Variants in PGM5 observed in about 807,000 individuals in gnomAD.
PGM5 encodes the protein phosphoglucomutase 5, also known as phosphoglucomutase-like protein 5.
PGM5 carries 23 observed loss-of-function variants against 59.2 expected under a neutral mutation model. The ratio of observed to expected loss-of-function variants is 0.39; its 90% CI spans 0.28 to 0.55. The LOEUF is 0.55. PGM5 is among the 20% of genes least tolerant of loss of function. The pLI, the probability that PGM5 is intolerant of heterozygous loss-of-function variation, is 0.66. For missense variants in PGM5, 574 were observed against 748.3 expected (o/e 0.77, Z 2.72); for synonymous variants, 214 against 286.0 (o/e 0.75, Z 2.54).
intron 2 of PGM5, among the ~76,000 whole-genome samples, chr9:68,383,729 GATATACA>G (rs1178709312): frequency 3.2e-4 from 16 of 49,658 alleles, no homozygotes; most frequent in Non-Finnish European, 5.4e-4. Context: ...CTTGCATTAA[GATATACA>G]AGGTAAAAAA....
In PGM5 at chr9:68,357,084, C is replaced by T; in HGVS notation, c.-44C>T. 2.8e-6 allele frequency: 4 copies of T among 1,436,896 alleles called. No homozygotes were observed. The highest frequency in any genetic ancestry group is 3.6e-6 in the Non-Finnish European group (4 of 1,101,554). 89.0% of individuals were successfully genotyped at this position (1,436,896 alleles called of 1,614,324 possible). A position where few individuals can be genotyped will look rare whatever the true frequency, so the allele number is the denominator to read the frequency against. On this transcript the variant is annotated 5_prime_UTR_variant, in exon 1 of 11. Transcript: ENST00000396396. Reference sequence around the variant, plus strand: ...GGAGGCCCCCGGCAGGCTGCAGATTCCCTCCGGCTCCGGGAGCCGCAGCAG... The same window carrying T: ...GGAGGCCCCCGGCAGGCTGCAGATTTCCTCCGGCTCCGGGAGCCGCAGCAG...
At chr9:68,389,800 C>T (rs1554679296) in intron 4 of PGM5, among the ~76,000 whole-genome samples, 1 of 152,034 alleles carries the variant, frequency 6.6e-6, no homozygotes, top group African/African-American at 2.4e-5. Context: ...TGTATGTTTA[C>T]CTTTATAAGA....
At chr9:68,476,620 G>A (rs909071947) in intron 7 of PGM5, among the ~76,000 whole-genome samples, 10 of 152,212 alleles carry the variant, frequency 6.6e-5, no homozygotes, top group Admixed American at 1.3e-4. Context: ...AAACATCTGT[G>A]TAATTGAAGC....
chr9:68,523,229 T>G lies in PGM5; in HGVS notation c.1615-6338T>G, dbSNP rs558905670. 6.4e-4 allele frequency among the ~76,000 whole-genome samples: 98 copies of G among 152,174 alleles called. No homozygotes were observed. In the South Asian group the frequency reaches 0.019, roughly 30 times the overall value. On this transcript the variant is annotated intron_variant, in intron 10 of 10. Transcript: ENST00000396396. ...TGTGATGCAAACAATGCAGCCTGGGTTTGGGCTGGAGCAAAGCATTTGACA... is the reference window on the plus strand; with the variant it reads ...TGTGATGCAAACAATGCAGCCTGGGGTTGGGCTGGAGCAAAGCATTTGACA...
chr9:68,391,745 T>A (rs782673708), intron 5 of PGM5, 21 bp downstream of exon 5: 2 of 1,610,980 alleles, frequency 1.2e-6, no homozygotes, highest in African/African-American at 2.7e-5. Flanking sequence ...AAGCTGTCTG[T>A]CTGCTGACCC....
At chr9:68,376,819 T>TTCTC (rs1351841144) in intron 1 of PGM5, among the ~76,000 whole-genome samples, 1 of 90,704 alleles carries the variant, frequency 1.1e-5, no homozygotes, top group Non-Finnish European at 2.3e-5. Flanking sequence ...CTTTCTTTCT[T>TTCTC]TCTTTCTTTC....
intron 6 of PGM5, among the ~76,000 whole-genome samples, chr9:68,438,286 C>CA (rs34047393): frequency 0.038 from 1,303 of 34,570 alleles, 91 homozygotes; most frequent in East Asian, 0.1. Flanking sequence ...GAGACTCTGT[C>CA]AAAAAAAAAA....
intron 6 of PGM5, among the ~76,000 whole-genome samples, chr9:68,454,663 T>C (rs910493492): frequency 7.9e-5 from 12 of 152,156 alleles, no homozygotes; most frequent in African/African-American, 2.9e-4. Context: ...TCCAGGCTTA[T>C]GGAGGTTAAG....
At chr9:68,484,642 T>G (rs954841740) in intron 9 of PGM5, among the ~76,000 whole-genome samples, 17 of 151,932 alleles carry the variant, frequency 1.1e-4, no homozygotes, top group African/African-American at 3.9e-4. Flanking sequence ...GTCCAGTATT[T>G]GTCCCACTTG....
Position 68,486,763 on chromosome 9 carries a change from G to A in PGM5, c.1479+2715G>A, listed in dbSNP as rs2172387. Among the ~76,000 whole-genome samples, 1,078 of 152,270 alleles carry A rather than the reference G, an allele frequency of 7.1e-3. 9 individuals are homozygous for A. Among genetic ancestry groups the A allele is most frequent in the African/African-American group, 0.024 (1,013 of 41,538 alleles). On this transcript the variant is annotated intron_variant, in intron 9 of 10. Coordinates refer to ENST00000396396, the MANE Select transcript of PGM5 (RefSeq NM_021965.4). The stretch of plus-strand genomic sequence containing the variant: ...TCTACAAGTTTTTGTGCAGAGATAG[G>A]TTTTCAATTCTCCTGGGTACATACT...
chr9:68,419,763 T>G (rs1434875735), intron 6 of PGM5, among the ~76,000 whole-genome samples: 1 of 152,168 alleles, frequency 6.6e-6, no homozygotes, highest in Non-Finnish European at 1.5e-5. Flanking sequence ...GAATTTTCAG[T>G]GTAACATCTA....
intron 6 of PGM5, chr9:68,405,798 T>C (rs572541938): frequency 6.6e-6 from 1 of 152,256 alleles, no homozygotes; most frequent in East Asian, 1.9e-4. Context: ...GTACTGGATA[T>C]TCCTGATGGA....
At position 68,406,977 on chromosome 9, in the gene PGM5, T is replaced by C. The variant is rs566687002; in HGVS notation, c.1043+14504T>C. On this transcript the variant is annotated intron_variant, in intron 6 of 10. Coordinates refer to ENST00000396396, the MANE Select transcript of PGM5 (RefSeq NM_021965.4). ...GTGTATATTCACATTTCAGAGTCCA[T>C]CAGAGCTTCCAGAGGACTCTGCTGT... Among the ~76,000 whole-genome samples the C allele has an allele frequency of 1.3e-3, 192 of 151,954 alleles. 1 individual carries two copies. Among genetic ancestry groups the C allele is most frequent in the African/African-American group, 3.7e-3 (154 of 41,458 alleles).
At chr9:68,389,716 C>T (rs1456735054) in intron 4 of PGM5, among the ~76,000 whole-genome samples, 2 of 152,058 alleles carry the variant, frequency 1.3e-5, no homozygotes, top group African/African-American at 2.4e-5. Flanking sequence ...TGTGAACATT[C>T]GTGAACAAGT....
At chr9:68,448,733 A>G (rs1283610895) in intron 6 of PGM5, among the ~76,000 whole-genome samples, 2 of 152,176 alleles carry the variant, frequency 1.3e-5, no homozygotes, top group Admixed American at 1.3e-4. Flanking sequence ...CAGACCCTGA[A>G]CTGAGTTGAT....
intron 6 of PGM5, chr9:68,396,939 G>T (rs1355164740): frequency 1.3e-5 from 2 of 152,272 alleles, no homozygotes; most frequent in African/African-American, 4.8e-5. Context: ...AATAAGGGGA[G>T]GCCTGTACCC....
intron 6 of PGM5, among the ~76,000 whole-genome samples, chr9:68,393,619 G>A (rs550347612): frequency 1.8e-4 from 28 of 152,066 alleles, no homozygotes; most frequent in Admixed American, 1.1e-3. Context: ...GTAGTGGCAT[G>A]TTCCTGTAGT....
intron 1 of PGM5, among the ~76,000 whole-genome samples, chr9:68,374,140 C>G (rs1411231556): frequency 2.6e-5 from 4 of 152,252 alleles, no homozygotes; most frequent in African/African-American, 9.6e-5. Context: ...CTATCCCAGT[C>G]TGTCACCACT....
chr9:68,465,293 A>G (rs1481394044), intron 7 of PGM5, 85 bp downstream of exon 7: 2 of 914,730 alleles, frequency 2.2e-6, no homozygotes, highest in African/African-American at 3.3e-5. Flanking sequence ...ACTTTCTGTG[A>G]ATTACAGAGG....
Sources: gnomAD v4.1 joint callset for allele counts (sites outside exome capture counted in the v4.1 genomes callset) on GRCh38, gnomAD v4.1.1 for gene constraint, MANE v1.5 for transcripts, NCBI Gene and HGNC (gene_info 2026-07-23, HGNC 2026-07-21) for gene names.